CCDC7: variants seen among roughly 807,000 people sequenced by gnomAD.
CCDC7 encodes coiled-coil domain-containing protein 7.
CCDC7 carries 183 observed loss-of-function variants against 196.9 expected under a neutral mutation model. The observed-to-expected ratio is 0.93, with a 90% CI of 0.82 to 1.05. CCDC7 has a LOEUF of 1.05. CCDC7 is among the 50% of genes least tolerant of loss of function. The probability of loss-of-function intolerance (pLI) is 0.00; values close to 1 mark genes in which losing one functional copy is unlikely to be tolerated. For missense variants in CCDC7, 1,540 were observed against 1,482.2 expected (o/e 1.04, Z -0.64); for synonymous variants, 525 against 484.6 (o/e 1.08, Z -1.10).
chr10:32,771,194 A>G (rs973836645), intron 28 of CCDC7, among the ~76,000 whole-genome samples: 18 of 152,122 alleles, frequency 1.2e-4, no homozygotes, highest in Admixed American at 3.3e-4. Context: ...AAGAAATTAT[A>G]TTTCAGTGCA....
rs538229534 is a variant in CCDC7, at chr10:32,729,067, C to T, written c.2779+70C>T. On this transcript the variant is annotated intron_variant, in intron 27 of 41. Transcript: ENST00000639629. ...ACTCATCAGATCTTTTCCTTTGATT[C>T]GTCAGTGTGTACTTCAGACTATATT... 1.9e-5 allele frequency: 21 copies of T among 1,093,796 alleles called. No individual in the cohort carries two copies. The African/African-American group carries it at 2.4e-4, about 12-fold the overall frequency. The allele number at this position is 1,093,796 out of a possible 1,614,324, so 67.8% of individuals were successfully genotyped here. A position where few individuals can be genotyped will look rare whatever the true frequency, so the allele number is the denominator to read the frequency against.
At chr10:32,507,910 A>T (rs1371167609) in intron 9 of CCDC7, among the ~76,000 whole-genome samples, 1 of 152,220 alleles carries the variant, frequency 6.6e-6, no homozygotes, top group Non-Finnish European at 1.5e-5. Flanking sequence ...CCTACAGCTA[A>T]CATTACACTC....
chr10:32,671,643 T>A (rs2074077843), intron 21 of CCDC7, among the ~76,000 whole-genome samples: 1 of 152,146 alleles, frequency 6.6e-6, no homozygotes, highest in Non-Finnish European at 1.5e-5. Flanking sequence ...GTATCTTTAG[T>A]TTTTCATGTT....
chr10:32,604,754 A>AT (rs1057450594), intron 18 of CCDC7, among the ~76,000 whole-genome samples: 2 of 151,432 alleles, frequency 1.3e-5, no homozygotes, highest in Admixed American at 6.6e-5. Context: ...AATGCAACTG[A>AT]TTTTTTTTAT....
exon 11 of CCDC7, chr10:32,518,467 G>A (rs1240999785): frequency 1.4e-5 from 22 of 1,607,236 alleles, no homozygotes; most frequent in Non-Finnish European, 1.8e-5. Flanking sequence ...AGAGAAGTTG[G>A]TGCTGGAAAA....
chr10:32,858,794 T>A (rs778471345), intron 41 of CCDC7, among the ~76,000 whole-genome samples: 1 of 151,676 alleles, frequency 6.6e-6, no homozygotes, highest in Non-Finnish European at 1.5e-5. Flanking sequence ...AAAACAGACT[T>A]TAAACCAACA....
In CCDC7 at chr10:32,828,461, A is replaced by AGAAGAAGAAGAAGAAGAGGAAGAG. The variant is rs2091543061; in HGVS notation, c.3268+3862_3268+3863insAGAAGAAGAAGAGGAAGAGGAAGA. Among the ~76,000 whole-genome samples the AGAAGAAGAAGAAGAAGAGGAAGAG allele has an allele frequency of 7.1e-5, 5 of 70,846 alleles. 1 individual carries two copies. In the East Asian group the frequency reaches 1.4e-3, roughly 19 times the overall value. The allele number at this position is 70,846 out of a possible 152,430, so 46.5% of individuals were successfully genotyped here. On this transcript the variant is annotated intron_variant, in intron 32 of 41. Coordinates refer to ENST00000639629, the Ensembl canonical transcript of CCDC7. Reference sequence around the variant, plus strand: ...AAGGAGAAGAAGAAGAAGAAGAAGAAGAAGAGGAAGAGGAAGAGGAAGAGG... The same window carrying AGAAGAAGAAGAAGAAGAGGAAGAG: ...AAGGAGAAGAAGAAGAAGAAGAAGAAGAAGAAGAAGAAGAAGAGGAAGAGGAAGAGGAAGAGGAAGAGGAAGAGG...
At chr10:32,881,045 T>C (rs2094773978), downstream of CCDC7, among the ~76,000 whole-genome samples, 1 of 152,150 alleles carries the variant, frequency 6.6e-6, no homozygotes, top group Non-Finnish European at 1.5e-5. Flanking sequence ...CCACAGTACT[T>C]TTTTAGAGGC....
intron 8 of CCDC7, among the ~76,000 whole-genome samples, chr10:32,479,959 A>T (rs1356915431): frequency 6.6e-6 from 1 of 151,402 alleles, no homozygotes; most frequent in African/African-American, 2.4e-5. Context: ...TCTATGAATT[A>T]TCCAGTTATT....
intron 41 of CCDC7, among the ~76,000 whole-genome samples, chr10:32,857,277 A>G (rs376762630): frequency 1.3e-5 from 2 of 152,170 alleles, no homozygotes; most frequent in East Asian, 3.8e-4. Flanking sequence ...ATAGAACTTA[A>G]TTAAACTAAA....
intron 21 of CCDC7, among the ~76,000 whole-genome samples, chr10:32,671,177 C>G (rs1261261700): frequency 3.3e-5 from 5 of 151,940 alleles, no homozygotes; most frequent in Admixed American, 6.6e-5. Context: ...ATTCACCACT[C>G]ACTTACTCAC....
At chr10:32,825,582 C>A (rs1362375097) in intron 32 of CCDC7, among the ~76,000 whole-genome samples, 1 of 152,212 alleles carries the variant, frequency 6.6e-6, no homozygotes, top group Non-Finnish European at 1.5e-5. Context: ...CTAGAGAACC[C>A]TAACTGATAC....
At position 32,704,264 on chromosome 10, in the gene CCDC7, C is replaced by T. The variant is rs550537794; in HGVS notation, c.2459-7356C>T. Among the ~76,000 whole-genome samples the T allele has an allele frequency of 2.3e-3, 346 of 152,204 alleles. 7 individuals are homozygous for T. Among genetic ancestry groups the T allele is most frequent in the East Asian group, 3.1e-3 (16 of 5,184 alleles). ...CAGCTGCAGGTCTGTTGGAGTTTGC[C>T]GGAGGTCCACTCCAGGCCCTGTTTG... is the stretch of plus-strand genomic sequence containing the variant. On this transcript the variant is annotated intron_variant, in intron 24 of 41. Coordinates refer to ENST00000639629, the Ensembl canonical transcript of CCDC7.
At chr10:32,628,539 C>A (rs1254611884) in intron 18 of CCDC7, among the ~76,000 whole-genome samples, 17 of 151,790 alleles carry the variant, frequency 1.1e-4, no homozygotes, top group Admixed American at 1.1e-3. Flanking sequence ...CCTTTTTCTG[C>A]TAACTTTGGC....
chr10:32,664,099 C>G, exon 21 of CCDC7: 1 of 396,342 alleles, frequency 2.5e-6, no homozygotes. Context: ...GAACAAGACA[C>G]AAAGTCAAAA....
intron 24 of CCDC7, among the ~76,000 whole-genome samples, chr10:32,696,765 T>G (rs1329185300): frequency 6.6e-6 from 1 of 152,200 alleles, no homozygotes; most frequent in African/African-American, 2.4e-5. Flanking sequence ...TTGAGAAGTG[T>G]GTGCCCAATG....
intron 13 of CCDC7, among the ~76,000 whole-genome samples, chr10:32,548,409 C>G (rs1589754414): frequency 1.3e-5 from 2 of 152,078 alleles, no homozygotes; most frequent in Non-Finnish European, 2.9e-5. Flanking sequence ...AGGGGTGACT[C>G]AAGACGTAGC....
intron 24 of CCDC7, among the ~76,000 whole-genome samples, chr10:32,707,146 G>T (rs12220119): frequency 0.088 from 13,425 of 152,252 alleles, 865 homozygotes; most frequent in East Asian, 0.33. Flanking sequence ...TTCATCCCTG[G>T]AATGCAAGGC....
intron 28 of CCDC7, among the ~76,000 whole-genome samples, chr10:32,757,167 C>G (rs1421592667): frequency 6.6e-6 from 1 of 151,996 alleles, no homozygotes; most frequent in Non-Finnish European, 1.5e-5. Context: ...ACTTTAACAC[C>G]CCACTGTCAA....
Sources: allele counts gnomAD v4.1 joint callset (sites outside exome capture counted in the v4.1 genomes callset), GRCh38; gene constraint gnomAD v4.1.1; transcripts MANE v1.5; gene names NCBI Gene and HGNC (gene_info 2026-07-23, HGNC 2026-07-21).